PRORP: variants seen among roughly 807,000 people sequenced by gnomAD.
PRORP encodes protein only RNase P catalytic subunit.
PRORP carries 51 observed loss-of-function variants against 59.4 expected under a neutral mutation model. That is an observed-to-expected ratio of 0.86 (90% CI 0.69 to 1.08). The LOEUF (loss-of-function observed/expected upper bound fraction) is 1.08. Ranked by LOEUF, PRORP falls within the 50% of genes least tolerant of loss-of-function variation. PRORP has a pLI of 0.00. For synonymous variants in PRORP, 231 were observed against 245.6 expected (o/e 0.94, Z 0.55); for missense variants, 646 against 690.3 (o/e 0.94, Z 0.72).
In PRORP at chr14:35,123,395, A is replaced by G. The variant is rs1331414944; in HGVS notation, c.150A>G (p.Thr50=). The G allele has an allele frequency of 1.5e-5, 24 of 1,614,154 alleles. No individual in the cohort carries two copies. Among genetic ancestry groups the G allele is most frequent in the Non-Finnish European group, 1.9e-5 (23 of 1,180,004 alleles). Reference sequence around the variant, plus strand: ...AGCAGAGGTTGTTTTCTCTTAAAACAATGTCTCCACAGAATACCAAAGCAA... The same window carrying G: ...AGCAGAGGTTGTTTTCTCTTAAAACGATGTCTCCACAGAATACCAAAGCAA... ...RNQQRLFSLK[T]MSPQNTKATN... The change falls in exon 2 of 8, where the codon ACA becomes ACG. Residue 50 remains threonine, a synonymous_variant. Transcript: ENST00000534898.
chr14:35,266,611 C>G, intron 5 of PRORP, 116 bp from the exon 6 acceptor site: 1 of 1,068,876 alleles, frequency 9.4e-7, no homozygotes, highest in South Asian at 1.5e-5. Context: ...GGATTGTTTT[C>G]TTACCCCCTA....
intron 4 of PRORP, among the ~76,000 whole-genome samples, chr14:35,147,366 A>G (rs1031599576): frequency 6.6e-6 from 1 of 152,100 alleles, no homozygotes; most frequent in African/African-American, 2.4e-5. Context: ...TTTTTGAGAC[A>G]GGGTCTCACT....
intron 5 of PRORP, among the ~76,000 whole-genome samples, chr14:35,226,748 T>C (rs113583493): frequency 6.6e-6 from 1 of 152,220 alleles, no homozygotes; most frequent in South Asian, 2.1e-4. Context: ...ATTTCATTAT[T>C]TTTTGAGACA....
chr14:35,121,881 G>C, upstream of PRORP: 1 of 1,613,922 alleles, frequency 6.2e-7, no homozygotes, highest in African/African-American at 1.3e-5. Flanking sequence ...ATCCCAACGG[G>C]CTGCCCCTCC....
chr14:35,166,642 AGG>A (rs992140598), intron 4 of PRORP, among the ~76,000 whole-genome samples: 1 of 151,970 alleles, frequency 6.6e-6, no homozygotes, highest in Non-Finnish European at 1.5e-5. Flanking sequence ...TAGTAGAGAC[AGG>A]GTTTCACCAT....
intron 2 of PRORP, 197 bp downstream of exon 2, chr14:35,124,428 T>G (rs1390808731): frequency 2.9e-6 from 1 of 345,550 alleles, no homozygotes; most frequent in African/African-American, 2.1e-5. Context: ...CCACCATACC[T>G]GGCTAATTAT....
At chr14:35,261,457 G>A (rs1322396816) in intron 5 of PRORP, among the ~76,000 whole-genome samples, 5 of 152,174 alleles carry the variant, frequency 3.3e-5, no homozygotes, top group African/African-American at 9.7e-5. Flanking sequence ...GTAGCCAGGC[G>A]CGGTGGCTCA....
At chr14:35,156,545 A>C (rs1187621277) in intron 4 of PRORP, among the ~76,000 whole-genome samples, 1 of 152,180 alleles carries the variant, frequency 6.6e-6, no homozygotes, top group Non-Finnish European at 1.5e-5. Flanking sequence ...GTTGTCTCAA[A>C]AGCAGGCTTC....
intron 4 of PRORP, among the ~76,000 whole-genome samples, chr14:35,176,818 C>T (rs1297073177): frequency 6.6e-6 from 1 of 152,140 alleles, no homozygotes; most frequent in Non-Finnish European, 1.5e-5. Context: ...CTGTCTTGTG[C>T]CGGTTTTCAA....
At position 35,123,856 on chromosome 14, in the gene PRORP, G is replaced by T; in HGVS notation, c.611G>T (p.Arg204Ile). ...GATGTCTTTGAAATTATGAAAGCCA[G>T]ATATAAGACTTTAGAACCTAGAGGT... The part of the protein sequence containing the change: ...VIDVFEIMKA[R>I]YKTLEPRGYS... The change falls in exon 2 of 8, where the codon AGA becomes ATA. Residue 204 changes from arginine (R) to isoleucine (I), a missense_variant. Physicochemically the swap from Arg to Ile is moderately conservative, Grantham distance 97 (BLOSUM62 -3). Transcript: ENST00000534898. 1 of 1,614,108 alleles carries T rather than the reference G, an allele frequency of 6.2e-7. No individual in the cohort carries two copies. Among genetic ancestry groups the T allele is most frequent in the Non-Finnish European group, 8.5e-7 (1 of 1,180,016 alleles).
intron 5 of PRORP, among the ~76,000 whole-genome samples, chr14:35,233,559 G>A (rs2138506680): frequency 6.9e-6 from 1 of 145,498 alleles, no homozygotes; most frequent in East Asian, 1.9e-4. Flanking sequence ...GGGTGGAAGA[G>A]GATTTTGTGG....
chr14:35,267,630 A>C (rs2051074893), intron 6 of PRORP, among the ~76,000 whole-genome samples: 1 of 152,024 alleles, frequency 6.6e-6, no homozygotes, highest in Non-Finnish European at 1.5e-5. Context: ...AAATACAAAA[A>C]ATTAACCGGG....
At position 35,270,584 on chromosome 14, in the gene PRORP, A is replaced by C. The variant is rs761686316; in HGVS notation, c.1608A>C (p.Lys536Asn). The C allele has an allele frequency of 3.2e-5, 52 of 1,614,002 alleles. No homozygotes were observed. The highest frequency in any genetic ancestry group is 4.1e-5 in the Non-Finnish European group (48 of 1,179,964). The change falls in exon 7 of 8, where the codon AAA becomes AAC. Residue 536 changes from lysine to asparagine, a missense_variant. Coordinates refer to ENST00000534898, the MANE Select transcript of PRORP (RefSeq NM_014672.4). The stretch of plus-strand genomic sequence containing the variant: ...TTGTAAATAGGTTTCCAGGATCAAA[A>C]CTAACCTTTCAGGTAATGGTACCTG... ...LAIVNRFPGS[K>N]LTFQRILSYD...
intron 5 of PRORP, among the ~76,000 whole-genome samples, chr14:35,252,149 G>T (rs1594341080): frequency 6.6e-6 from 1 of 152,158 alleles, no homozygotes; most frequent in Non-Finnish European, 1.5e-5. Context: ...TCATGACCAG[G>T]CATGGTATCT....
At chr14:35,271,856 T>C (rs2051199036) in intron 7 of PRORP, among the ~76,000 whole-genome samples, 1 of 152,074 alleles carries the variant, frequency 6.6e-6, no homozygotes, top group South Asian at 2.1e-4. Flanking sequence ...GAAAACCTCA[T>C]CTCTACTAAA....
chr14:35,248,520 C>A (rs75484329), intron 5 of PRORP, among the ~76,000 whole-genome samples: 1,554 of 152,320 alleles, frequency 0.01, 28 homozygotes, highest in African/African-American at 0.035. Context: ...ACAATATGAT[C>A]AAGCTTCCTT....
At chr14:35,149,755 C>G (rs557246602) in intron 4 of PRORP, among the ~76,000 whole-genome samples, 1 of 152,250 alleles carries the variant, frequency 6.6e-6, no homozygotes, top group Non-Finnish European at 1.5e-5. Context: ...TATTTGTTCA[C>G]TGAAGTAGCA....
At chr14:35,245,810 G>GCT (rs1566523520) in intron 5 of PRORP, among the ~76,000 whole-genome samples, 1 of 152,024 alleles carries the variant, frequency 6.6e-6, no homozygotes, top group African/African-American at 2.4e-5. Context: ...TCCCATTACC[G>GCT]CTCTCCTGTA....
Sources: gnomAD v4.1 joint callset for allele counts (sites outside exome capture counted in the v4.1 genomes callset) on GRCh38, gnomAD v4.1.1 for gene constraint, MANE v1.5 for transcripts, NCBI Gene and HGNC (gene_info 2026-07-23, HGNC 2026-07-21) for gene names.